KLK6: variants seen among roughly 807,000 people sequenced by gnomAD.
KLK6 encodes the protein kallikrein related peptidase 6.
A neutral mutation model predicts 21.7 loss-of-function variants in KLK6; 16 were observed. That is an observed-to-expected ratio of 0.74 (90% CI 0.50 to 1.12). KLK6 has a LOEUF of 1.12. Among genes scored for constraint, KLK6 ranks in the 50% most tolerant of loss-of-function variants. The probability of loss-of-function intolerance (pLI) is 0.00; values close to 1 mark genes in which losing one functional copy is unlikely to be tolerated. For missense variants in KLK6, 276 were observed against 304.6 expected (o/e 0.91, Z 0.70); for synonymous variants, 116 against 120.1 (o/e 0.97, Z 0.22).
intron 3 of KLK6, 129 bp downstream of exon 3, chr19:50,967,936 C>A: frequency 1.7e-6 from 1 of 590,096 alleles, no homozygotes; most frequent in Non-Finnish European, 3.1e-6. Context: ...TAATCCCCAA[C>A]GTCTTCCTCA....
In KLK6 at chr19:50,967,300, C is replaced by G; in HGVS notation, c.66G>C (p.Leu22Phe). The change falls in exon 4 of 7, where the codon TTG becomes TTC. Residue 22 changes from leucine to phenylalanine, a missense_variant. Coordinates refer to ENST00000310157, the MANE Select transcript of KLK6 (RefSeq NM_002774.4). ...TCTTGTCGCAGGGTCCGCCATGCAC[C>G]AACTTATTCTGCTCCTCTGCCCAGG... Reference protein sequence around the residue: ...AAAWAEEQNKLVHGGPCDKTS... With the variant: ...AAAWAEEQNKFVHGGPCDKTS... The G allele has an allele frequency of 1.2e-6, 2 of 1,611,372 alleles. No homozygotes were observed. Among genetic ancestry groups the G allele is most frequent in the Non-Finnish European group, 1.7e-6 (2 of 1,178,228 alleles).
chr19:50,968,024 C>A, intron 3 of KLK6, 41 bp downstream of exon 3: 1 of 1,597,800 alleles, frequency 6.3e-7, no homozygotes, highest in African/African-American at 1.3e-5. Context: ...CAAGCCCAAC[C>A]CTGTCTGCAA....
Position 50,961,775 on chromosome 19 carries a change from C to G in KLK6, c.551G>C (p.Gly184Ala). The G allele has an allele frequency of 6.2e-7, 1 of 1,614,024 alleles. No homozygotes were observed. The highest frequency in any genetic ancestry group is 8.5e-7 in the Non-Finnish European group (1 of 1,179,924). Residue 184 changes from glycine to alanine, a missense_variant, in exon 6 of 7, where the codon GGG becomes GCG. Transcript: ENST00000310157. ...GGAATCCTTCCCGTACTTCTCATCC[C>G]CAGCACACAACATGTTCTGGGTGAT... ...GQITQNMLCA[G>A]DEKYGKDSCQ...
intron 3 of KLK6, 66 bp downstream of exon 3, chr19:50,967,999 C>G (rs2090954526): frequency 7.0e-7 from 1 of 1,434,972 alleles, no homozygotes; most frequent in Admixed American, 1.7e-5. Flanking sequence ...CCAATACCAG[C>G]CTCTTCTCCA....
Position 50,961,814 on chromosome 19 carries a change from G to T in KLK6, c.512C>A (p.Ala171Asp), listed in dbSNP as rs1438473955. 1 of 1,613,916 alleles carries T rather than the reference G, an allele frequency of 6.2e-7. No homozygotes were observed. The highest frequency in any genetic ancestry group is 2.2e-5 in the East Asian group (1 of 44,884). ...HLVSREECEH[A>D]YPGQITQNML... ...GTTCTGGGTGATCTGGCCAGGGTAGGCATGCTCACACTCCTCACGGGACAC... is the reference window on the plus strand; with the variant it reads ...GTTCTGGGTGATCTGGCCAGGGTAGTCATGCTCACACTCCTCACGGGACAC... The change falls in exon 6 of 7, where the codon GCC becomes GAC. Residue 171 changes from alanine to aspartate, a missense_variant. Coordinates refer to ENST00000310157, the MANE Select transcript of KLK6 (RefSeq NM_002774.4).
chr19:50,963,501 A>G lies in KLK6; in HGVS notation c.246T>C (p.Ser82=), dbSNP rs778067958. 1 of 1,613,642 alleles carries G rather than the reference A, an allele frequency of 6.2e-7. No homozygotes were observed. Among genetic ancestry groups the G allele is most frequent in the Non-Finnish European group, 8.5e-7 (1 of 1,179,948 alleles). ...LGKHNLRQRE[S]SQEQSSVVRA... ...GGACAACAGAACTCTGCTCCTGGGA[A>G]CTCTCCCTTTGCCGAAGGTTATGCT... The change falls in exon 5 of 7, where the codon AGT becomes AGC. Residue 82 remains serine (S), a synonymous_variant. Transcript: ENST00000310157.
chr19:50,967,455 A>T (rs1411227364), intron 3 of KLK6, 130 bp from the exon 4 acceptor site: 2 of 862,920 alleles, frequency 2.3e-6, no homozygotes, highest in African/African-American at 3.4e-5. Flanking sequence ...AGGCAGGAGG[A>T]TCGCTTGAGC....
intron 4 of KLK6, among the ~76,000 whole-genome samples, chr19:50,964,395 A>G (rs2090894434): frequency 6.6e-6 from 1 of 152,124 alleles, no homozygotes; most frequent in African/African-American, 2.4e-5. Context: ...ATTGTTAAAT[A>G]TTTACTCATT....
Position 50,967,298 on chromosome 19 carries a change from A to G in KLK6, c.68T>C (p.Val23Ala). ...AAWAEEQNKL[V>A]HGGPCDKTSH... ...TGTCTTGTCGCAGGGTCCGCCATGC[A>G]CCAACTTATTCTGCTCCTCTGCCCA... is the stretch of plus-strand genomic sequence containing the variant. The change falls in exon 4 of 7, where the codon GTG becomes GCG. Residue 23 changes from valine (V) to alanine (A), a missense_variant. Physicochemically the swap from Val to Ala is moderately conservative, Grantham distance 64. Coordinates refer to ENST00000310157, the MANE Select transcript of KLK6 (RefSeq NM_002774.4). 6.2e-7 allele frequency: 1 copy of G among 1,612,836 alleles called. No homozygotes were observed. The highest frequency in any genetic ancestry group is 8.5e-7 in the Non-Finnish European group (1 of 1,179,256).
chr19:50,959,023 CAGG>C lies in KLK6; in HGVS notation c.*138_*140del. Reference sequence around the variant, plus strand: ...GAGCTGGGGTAAAACCAGGGAGAATCAGGACCCTCACGTCGCTGCGTTTATTAA... The same window carrying C: ...GAGCTGGGGTAAAACCAGGGAGAATCACCCTCACGTCGCTGCGTTTATTAA... On this transcript the variant is annotated 3_prime_UTR_variant, in exon 7 of 7. Transcript: ENST00000310157. 1.1e-6 allele frequency: 1 copy of C among 874,076 alleles called. No individual in the cohort carries two copies. Among genetic ancestry groups the C allele is most frequent in the South Asian group, 1.6e-5 (1 of 62,856 alleles). 54.1% of individuals were successfully genotyped at this position (874,076 alleles called of 1,614,324 possible). A position where few individuals can be genotyped will look rare whatever the true frequency, so the allele number is the denominator to read the frequency against.
intron 5 of KLK6, 29 bp downstream of exon 5, chr19:50,963,273 C>G: frequency 3.1e-6 from 5 of 1,600,002 alleles, no homozygotes; most frequent in Non-Finnish European, 4.3e-6. Context: ...AGCCAGTAGC[C>G]TGCTCCCCAC....
At chr19:50,968,725 A>AC (rs1479853777) in intron 1 of KLK6, 134 bp from the exon 2 acceptor site, 6 of 155,328 alleles carry the variant, frequency 3.9e-5, no homozygotes, top group South Asian at 4.0e-4. Context: ...TGCCAGACAC[A>AC]CACCCCCAGC....
chr19:50,967,378 TC>T (rs1188514086), intron 3 of KLK6, 53 bp from the exon 4 acceptor site: 1 of 1,515,248 alleles, frequency 6.6e-7, no homozygotes, highest in Non-Finnish European at 8.9e-7. Flanking sequence ...ACCAAGCGCA[TC>T]CCCCTCAACA....
intron 4 of KLK6, among the ~76,000 whole-genome samples, chr19:50,965,079 T>C (rs964106941): frequency 6.6e-6 from 1 of 152,178 alleles, no homozygotes; most frequent in African/African-American, 2.4e-5. Flanking sequence ...TATGGGGTTT[T>C]GAAGGGTTTG....
intron 4 of KLK6, among the ~76,000 whole-genome samples, chr19:50,966,286 C>T (rs763659266): frequency 4.6e-5 from 7 of 152,220 alleles, no homozygotes; most frequent in Non-Finnish European, 1.0e-4. Context: ...GCCAGCCGTG[C>T]TTCTTCCTCT....
intron 4 of KLK6, 168 bp from the exon 5 acceptor site, chr19:50,963,717 T>C: frequency 1.4e-6 from 1 of 715,062 alleles, no homozygotes; most frequent in Non-Finnish European, 2.3e-6. Flanking sequence ...TATTCTTCAC[T>C]CTCTTTATTT....
chr19:50,964,112 G>A (rs1241183414), intron 4 of KLK6, among the ~76,000 whole-genome samples: 1 of 152,048 alleles, frequency 6.6e-6, no homozygotes, highest in African/African-American at 2.4e-5. Flanking sequence ...CTCTGCTCCA[G>A]CCAAACGCTG....
chr19:50,961,925 CCCCT>C (rs1232062586), intron 5 of KLK6, 45 bp from the exon 6 acceptor site: 1 of 1,591,728 alleles, frequency 6.3e-7, no homozygotes. Context: ...GCCTTGCACT[CCCCT>C]CATCCTCCCC....
intron 4 of KLK6, among the ~76,000 whole-genome samples, chr19:50,963,812 G>A (rs1010942377): frequency 6.6e-6 from 1 of 152,050 alleles, no homozygotes; most frequent in African/African-American, 2.4e-5. Flanking sequence ...CTTTCCCACG[G>A]CTACCATCTT....
Sources: allele counts gnomAD v4.1 joint callset (sites outside exome capture counted in the v4.1 genomes callset), GRCh38; gene constraint gnomAD v4.1.1; transcripts MANE v1.5; gene names NCBI Gene and HGNC (gene_info 2026-07-23, HGNC 2026-07-21).